ZBTB8A: variants seen among roughly 807,000 people sequenced by gnomAD.
ZBTB8A encodes the protein zinc finger and BTB domain-containing protein 8A.
A neutral mutation model predicts 37.8 loss-of-function variants in ZBTB8A; 19 were observed. The observed-to-expected ratio is 0.50, with a 90% CI of 0.35 to 0.74. The LOEUF (loss-of-function observed/expected upper bound fraction) is 0.74. Among genes scored for constraint, ZBTB8A ranks in the 30% least tolerant of loss-of-function variants. The probability of loss-of-function intolerance (pLI) is 0.01; values close to 1 mark genes in which losing one functional copy is unlikely to be tolerated. For synonymous variants in ZBTB8A, 181 were observed against 185.2 expected (o/e 0.98, Z 0.19); for missense variants, 394 against 537.8 (o/e 0.73, Z 2.65).
rs1557707641 is a variant in ZBTB8A at position 32,567,812 on chromosome 1, A to AC, written c.-2+14272_-2+14273insC. Among the ~76,000 whole-genome samples the AC allele has an allele frequency of 3.1e-3, 139 of 45,208 alleles. 18 individuals are homozygous for AC. Among genetic ancestry groups the AC allele is most frequent in the African/African-American group, 0.013 (116 of 8,774 alleles). The allele number at this position is 45,208 out of a possible 152,430, so 29.7% of individuals were successfully genotyped here. ...GTCTCAAAAAAAAAAAAAAAAAAAA[A>AC]AAAAAAAAAAACAAAAACAAAACAA... On this transcript the variant is annotated intron_variant, in intron 2 of 4. Coordinates refer to ENST00000373510, the MANE Select transcript of ZBTB8A (RefSeq NM_001040441.3).
intron 2 of ZBTB8A, among the ~76,000 whole-genome samples, chr1:32,586,796 A>T (rs911103690): frequency 6.6e-6 from 1 of 152,116 alleles, no homozygotes; most frequent in Non-Finnish European, 1.5e-5. Context: ...TGCAGATCAT[A>T]TAGGGCCTTT....
chr1:32,560,466 T>C (rs1476968904), intron 2 of ZBTB8A, among the ~76,000 whole-genome samples: 1 of 152,046 alleles, frequency 6.6e-6, no homozygotes, highest in Non-Finnish European at 1.5e-5. Flanking sequence ...TTCCTGATTT[T>C]TTTCTGCTTT....
At chr1:32,583,321 A>G (rs936088161) in intron 2 of ZBTB8A, among the ~76,000 whole-genome samples, 1 of 149,850 alleles carries the variant, frequency 6.7e-6, no homozygotes, top group Non-Finnish European at 1.5e-5. Flanking sequence ...CAGAGGTTAT[A>G]GTGAGCCAAG....
chr1:32,554,666 A>C (rs1325183970), intron 2 of ZBTB8A, among the ~76,000 whole-genome samples: 1 of 151,796 alleles, frequency 6.6e-6, no homozygotes, highest in Non-Finnish European at 1.5e-5. Flanking sequence ...TTTAGTAGAG[A>C]CTGGGTTTCA....
intron 2 of ZBTB8A, among the ~76,000 whole-genome samples, chr1:32,591,775 A>T (rs1424590051): frequency 2.6e-5 from 4 of 152,008 alleles, no homozygotes; most frequent in Admixed American, 6.6e-5. Context: ...ATGCTCAATA[A>T]ATTTTGCTAA....
At chr1:32,599,941 A>AC (rs1239722822) in intron 4 of ZBTB8A, 146 bp from the exon 5 acceptor site, 1 of 619,664 alleles carries the variant, frequency 1.6e-6, no homozygotes, top group Non-Finnish European at 2.7e-6. Context: ...CACCACTAAA[A>AC]CCCTTGATCT....
At chr1:32,567,679 C>T (rs1184141123) in intron 2 of ZBTB8A, among the ~76,000 whole-genome samples, 1 of 150,220 alleles carries the variant, frequency 6.7e-6, no homozygotes, top group Non-Finnish European at 1.5e-5. Flanking sequence ...GTAGTCCCAG[C>T]TACTCGGGAG....
At chr1:32,552,938 A>G (rs1644168900) in intron 1 of ZBTB8A, among the ~76,000 whole-genome samples, 1 of 148,522 alleles carries the variant, frequency 6.7e-6, no homozygotes, top group Non-Finnish European at 1.5e-5. Flanking sequence ...TTTGTTCTAT[A>G]TTATATATTA....
chr1:32,542,577 AAAAG>A (rs980167902), intron 1 of ZBTB8A, among the ~76,000 whole-genome samples: 6 of 152,166 alleles, frequency 3.9e-5, no homozygotes, highest in African/African-American at 1.4e-4. Flanking sequence ...CCGTCTCAAA[AAAAG>A]AGAGTTGATC....
intron 2 of ZBTB8A, among the ~76,000 whole-genome samples, chr1:32,588,242 C>A (rs982516378): frequency 2.0e-5 from 3 of 152,034 alleles, no homozygotes; most frequent in Non-Finnish European, 4.4e-5. Flanking sequence ...CAAGCTGGGG[C>A]CTGCATCAGA....
intron 2 of ZBTB8A, among the ~76,000 whole-genome samples, chr1:32,579,503 T>C (rs929591727): frequency 7.9e-5 from 12 of 151,974 alleles, no homozygotes; most frequent in Admixed American, 2.0e-4. Context: ...TCCAACTCTG[T>C]GTGAGCTCTG....
At position 32,603,502 on chromosome 1, in the gene ZBTB8A, A is replaced by G. The variant is rs1644593337; in HGVS notation, c.*3083A>G. ...GCTTGTCATTCTCTAGTCTTACCCA[A>G]TTAATACTGACACCTTTTGAAATTA... On this transcript the variant is annotated 3_prime_UTR_variant, in exon 5 of 5. Transcript: ENST00000373510. 6.6e-6 allele frequency: 1 copy of G among 152,444 alleles called. No individual in the cohort carries two copies. Among genetic ancestry groups the G allele is most frequent in the Admixed American group, 6.5e-5 (1 of 15,274 alleles). The allele number at this position is 152,444 out of a possible 1,614,324, so 9.4% of individuals were successfully genotyped here. A position where few individuals can be genotyped will look rare whatever the true frequency, so the allele number is the denominator to read the frequency against.
Position 32,564,550 on chromosome 1 carries a change from T to C in ZBTB8A, c.-2+11010T>C, listed in dbSNP as rs12045146. On this transcript the variant is annotated intron_variant, in intron 2 of 4. Coordinates refer to ENST00000373510, the MANE Select transcript of ZBTB8A (RefSeq NM_001040441.3). ...AGAATTTAGGGGTATAAATTCTCTA[T>C]CCTCAGCCTTTGACCTATAACCTCT... 5.1e-3 allele frequency among the ~76,000 whole-genome samples: 770 copies of C among 152,254 alleles called. 11 individuals are homozygous for C. Among genetic ancestry groups the C allele is most frequent in the East Asian group, 0.043 (223 of 5,180 alleles).
Position 32,595,108 on chromosome 1 carries a change from G to A in ZBTB8A, c.878G>A (p.Arg293Gln), listed in dbSNP as rs867392023. ...CCGTACTGCACACATGTGGTGAAGC[G>A]GAAGGCAGACCTAAAGCGCCACCTT... is the stretch of plus-strand genomic sequence containing the variant. ...KCPYCTHVVK[R>Q]KADLKRHLRC... Residue 293 changes from arginine (R) to glutamine (Q), a missense_variant, in exon 4 of 5, where the codon CGG becomes CAG. Coordinates refer to ENST00000373510, the MANE Select transcript of ZBTB8A (RefSeq NM_001040441.3). 3 of 1,614,150 alleles carry A rather than the reference G, an allele frequency of 1.9e-6. No homozygotes were observed. Among genetic ancestry groups the A allele is most frequent in the African/African-American group, 1.3e-5 (1 of 75,034 alleles).
chr1:32,595,181 A>T lies in ZBTB8A; in HGVS notation c.951A>T (p.Lys317Asn). The T allele has an allele frequency of 6.2e-7, 1 of 1,614,240 alleles. No homozygotes were observed. The highest frequency in any genetic ancestry group is 8.5e-7 in the Non-Finnish European group (1 of 1,180,042). Reference protein sequence around the residue: ...ERPYPCQACGKRFSRLDHLSS... With the variant: ...ERPYPCQACGNRFSRLDHLSS... ...CCTATCCATGTCAAGCTTGTGGAAA[A>T]AGATTTAGCAGGCTAGACCATCTAA... Residue 317 changes from lysine (K) to asparagine (N), a missense_variant, in exon 4 of 5, where the codon AAA becomes AAT. Coordinates refer to ENST00000373510, the MANE Select transcript of ZBTB8A (RefSeq NM_001040441.3).
intron 2 of ZBTB8A, among the ~76,000 whole-genome samples, chr1:32,556,594 A>G (rs1644204557): frequency 6.6e-6 from 1 of 152,136 alleles, no homozygotes; most frequent in Non-Finnish European, 1.5e-5. Context: ...AGCAAGGTAT[A>G]GGGCCGGGCA....
At position 32,593,771 on chromosome 1, in the gene ZBTB8A, T is replaced by C. The variant is rs775712131; in HGVS notation, c.823+17T>C. On this transcript the variant is annotated intron_variant, in intron 3 of 4. Transcript: ENST00000373510. ...GCTTTCCAGGTACCCAAAAAGAGCATAAGTCCCCTCATCCAGGTTCCAAAC... is the reference window on the plus strand; with the variant it reads ...GCTTTCCAGGTACCCAAAAAGAGCACAAGTCCCCTCATCCAGGTTCCAAAC... 1.7e-5 allele frequency: 27 copies of C among 1,586,830 alleles called. No homozygotes were observed. In the Admixed American group the frequency reaches 4.1e-4, roughly 24 times the overall value.
Position 32,574,333 on chromosome 1 carries a change from G to A in ZBTB8A, c.-1-18598G>A, listed in dbSNP as rs74699244. Among the ~76,000 whole-genome samples, 771 of 152,062 alleles carry A rather than the reference G, an allele frequency of 5.1e-3. 10 individuals are homozygous for A. Among genetic ancestry groups the A allele is most frequent in the East Asian group, 0.044 (225 of 5,144 alleles). ...TATACTAAAAACTTAGGCCAGGTGCGGTGGCTTACGCCTGTAATCCCTGAG... is the reference window on the plus strand; with the variant it reads ...TATACTAAAAACTTAGGCCAGGTGCAGTGGCTTACGCCTGTAATCCCTGAG... On this transcript the variant is annotated intron_variant, in intron 2 of 4. Coordinates refer to ENST00000373510, the MANE Select transcript of ZBTB8A (RefSeq NM_001040441.3).
intron 2 of ZBTB8A, among the ~76,000 whole-genome samples, chr1:32,583,944 A>G (rs1296514110): frequency 2.6e-5 from 4 of 152,082 alleles, no homozygotes; most frequent in African/African-American, 2.4e-5. Flanking sequence ...GGGTTTTACC[A>G]TGTTGAGCTT....
Sources: gnomAD v4.1 joint callset for allele counts (sites outside exome capture counted in the v4.1 genomes callset) on GRCh38, gnomAD v4.1.1 for gene constraint, MANE v1.5 for transcripts, NCBI Gene and HGNC (gene_info 2026-07-23, HGNC 2026-07-21) for gene names.